Variants in ARID2 observed in about 807,000 individuals in gnomAD.
ARID2 encodes AT-rich interactive domain-containing protein 2.
ARID2 carries 32 observed loss-of-function variants against 184.6 expected under a neutral mutation model. That is an observed-to-expected ratio of 0.17 (90% CI 0.13 to 0.23). The LOEUF (loss-of-function observed/expected upper bound fraction) is 0.23, where lower values mean the gene tolerates loss of function less well. Among genes scored for constraint, ARID2 ranks in the 10% least tolerant of loss-of-function variants. The pLI, the probability that ARID2 is intolerant of heterozygous loss-of-function variation, is 1.00. For missense variants in ARID2, 1,696 were observed against 2,197.6 expected (o/e 0.77, Z 4.56); for synonymous variants, 836 against 772.6 (o/e 1.08, Z -1.36).
chr12:45,778,578 A>G (rs539869002), intron 3 of ARID2, among the ~76,000 whole-genome samples: 3 of 152,264 alleles, frequency 2.0e-5, no homozygotes, highest in Admixed American at 6.5e-5. Flanking sequence ...ATTTGCTCGG[A>G]AGTTATATAC....
chr12:45,730,525 C>T (rs1314795758), intron 2 of ARID2, among the ~76,000 whole-genome samples: 1 of 151,958 alleles, frequency 6.6e-6, no homozygotes, highest in Non-Finnish European at 1.5e-5. Context: ...CGCTGCCGCT[C>T]TAGCACAGGC....
At chr12:45,812,103 G>A (rs988610148) in intron 4 of ARID2, among the ~76,000 whole-genome samples, 2 of 151,428 alleles carry the variant, frequency 1.3e-5, no homozygotes, top group East Asian at 1.9e-4. Flanking sequence ...TGGAGTAGAC[G>A]GGCTCCAGTT....
intron 3 of ARID2, among the ~76,000 whole-genome samples, chr12:45,806,335 C>G (rs1213476827): frequency 6.6e-6 from 1 of 152,006 alleles, no homozygotes; most frequent in Non-Finnish European, 1.5e-5. Flanking sequence ...TGCCTGGTGA[C>G]CCATGTACCC....
chr12:45,880,622 T>C (rs1160613692), intron 16 of ARID2, among the ~76,000 whole-genome samples: 1 of 152,220 alleles, frequency 6.6e-6, no homozygotes, highest in Non-Finnish European at 1.5e-5. Flanking sequence ...ATAGCACTCA[T>C]TTTATAATTA....
intron 3 of ARID2, among the ~76,000 whole-genome samples, chr12:45,750,220 A>T (rs767823634): frequency 3.3e-5 from 5 of 152,158 alleles, no homozygotes. Flanking sequence ...GGGTATAGGG[A>T]TGCCCAAGGA....
intron 3 of ARID2, among the ~76,000 whole-genome samples, chr12:45,753,817 C>T (rs1345766878): frequency 2.0e-5 from 3 of 152,102 alleles, no homozygotes; most frequent in Non-Finnish European, 4.4e-5. Flanking sequence ...TGGTCTCGAA[C>T]TCCTGGACTC....
rs540585200 is a variant in ARID2 at position 45,769,285 on chromosome 12, T to TTAAA, written c.284+37974_284+37975insATAA. Among the ~76,000 whole-genome samples the TTAAA allele has an allele frequency of 7.7e-3, 1,170 of 152,262 alleles. 19 individuals are homozygous for TTAAA. The highest frequency in any genetic ancestry group is 0.067 in the South Asian group (325 of 4,824). On this transcript the variant is annotated intron_variant, in intron 3 of 20. Transcript: ENST00000334344. ...TTCAGAGAAGTAAATAAAATCACTA[T>TTAAA]TAAGTAAAGCAATGTATGGTGACAA...
chr12:45,813,215 A>T (rs1942743374), intron 4 of ARID2, among the ~76,000 whole-genome samples: 1 of 152,132 alleles, frequency 6.6e-6, no homozygotes, highest in Admixed American at 6.5e-5. Flanking sequence ...GAAGAGGAAG[A>T]AACTGGGAAC....
intron 3 of ARID2, among the ~76,000 whole-genome samples, chr12:45,804,489 C>CGTGT (rs141399769): frequency 2.3e-4 from 34 of 146,588 alleles, no homozygotes; most frequent in African/African-American, 7.7e-4. Context: ...CGTGTGTGTG[C>CGTGT]GTGTGTGTGT....
At chr12:45,801,333 G>GA (rs1555147412) in intron 3 of ARID2, among the ~76,000 whole-genome samples, 2 of 148,774 alleles carry the variant, frequency 1.3e-5, no homozygotes. Flanking sequence ...AAAAAAAAAA[G>GA]TAAAAAAAGA....
intron 20 of ARID2, among the ~76,000 whole-genome samples, chr12:45,897,158 A>G (rs1015722527): frequency 1.3e-5 from 2 of 152,264 alleles, no homozygotes; most frequent in African/African-American, 4.8e-5. Context: ...TTCCATAAGT[A>G]TGACAATTCT....
intron 4 of ARID2, among the ~76,000 whole-genome samples, chr12:45,813,458 T>TTAA (rs368488502): frequency 7.2e-6 from 1 of 138,298 alleles, no homozygotes; most frequent in African/African-American, 2.6e-5. Context: ...GCATGTGTTC[T>TTAA]AAAAAAAAAA....
chr12:45,846,215 A>G (rs907100187), intron 11 of ARID2: 1 of 152,144 alleles, frequency 6.6e-6, no homozygotes, highest in Non-Finnish European at 1.5e-5. Flanking sequence ...GTATAATTCA[A>G]ATTTATTATT....
At chr12:45,898,432 G>A (rs763717166) in intron 20 of ARID2, among the ~76,000 whole-genome samples, 3 of 152,130 alleles carry the variant, frequency 2.0e-5, no homozygotes, top group Admixed American at 6.5e-5. Flanking sequence ...AAAATAGTAC[G>A]TTTTATGTTA....
intron 6 of ARID2, among the ~76,000 whole-genome samples, chr12:45,834,632 A>G (rs1565614212): frequency 6.6e-6 from 1 of 152,172 alleles, no homozygotes; most frequent in Non-Finnish European, 1.5e-5. Context: ...AATCCCAGCT[A>G]CTTGGGAGGT....
chr12:45,868,679 G>GC (rs148792806), intron 16 of ARID2, among the ~76,000 whole-genome samples: 1 of 152,208 alleles, frequency 6.6e-6, no homozygotes, highest in East Asian at 1.9e-4. Flanking sequence ...TATGAGCCTA[G>GC]CTTAATTATT....
At chr12:45,834,161 T>C (rs1943172039) in intron 6 of ARID2, among the ~76,000 whole-genome samples, 1 of 152,196 alleles carries the variant, frequency 6.6e-6, no homozygotes, top group African/African-American at 2.4e-5. Flanking sequence ...AGTTTTTTCA[T>C]ACATGTTGGG....
rs2138125671 is a variant in ARID2 at position 45,836,647 on chromosome 12, A to G, written c.764A>G (p.Lys255Arg). 1 of 1,610,408 alleles carries G rather than the reference A, an allele frequency of 6.2e-7. No homozygotes were observed. Reference sequence around the variant, plus strand: ...CGTGACCTCATTTCTGACAGAAACAAGTCTCATGGTAAGTTAGTGAAAGCA... The same window carrying G: ...CGTGACCTCATTTCTGACAGAAACAGGTCTCATGGTAAGTTAGTGAAAGCA... ...EVRDLISDRN[K>R]SHEGTSGEWI... Residue 255 changes from lysine (K) to arginine (R), a missense_variant, in exon 7 of 21, where the codon AAG (lysine) becomes AGG (arginine). Lys to Arg is a conservative substitution (Grantham distance 26). Around this residue, in one of 11 missense-constraint regions of ARID2, gnomAD observed 148 missense variants for 285.4 expected, o/e 0.52. Transcript: ENST00000334344.
chr12:45,893,474 G>C lies in ARID2; in HGVS notation c.5202G>C (p.Val1734=), dbSNP rs2136462278. 1.9e-6 allele frequency: 3 copies of C among 1,614,050 alleles called. No individual in the cohort carries two copies. The highest frequency in any genetic ancestry group is 2.5e-6 in the Non-Finnish European group (3 of 1,179,964). ...SSTPRAQKAI[V]NHPSAALMAL... is the part of the protein sequence containing the mutation. ...CTCCTAGAGCACAAAAGGCCATTGT[G>C]AATCATCCCAGTGCTGCACTTATGG... The change falls in exon 19 of 21, where the codon GTG becomes GTC. Residue 1734 remains valine (V), a synonymous_variant. Coordinates refer to ENST00000334344, the MANE Select transcript of ARID2 (RefSeq NM_152641.4).
Sources: allele counts gnomAD v4.1 joint callset (sites outside exome capture counted in the v4.1 genomes callset), GRCh38; gene constraint gnomAD v4.1.1; regional missense constraint gnomAD v4.1.1; transcripts MANE v1.5; gene names NCBI Gene and HGNC (gene_info 2026-07-23, HGNC 2026-07-21).